Variants in CIPC observed in about 807,000 individuals in gnomAD.
CIPC encodes CLOCK interacting pacemaker, also known as CLOCK-interacting pacemaker.
CIPC carries 12 observed loss-of-function variants against 26.7 expected under a neutral mutation model. That is an observed-to-expected ratio of 0.45 (90% confidence interval 0.29 to 0.73). The LOEUF (loss-of-function observed/expected upper bound fraction) is 0.73. Among genes scored for constraint, CIPC ranks in the 30% least tolerant of loss-of-function variants. The pLI, the probability that CIPC is intolerant of heterozygous loss-of-function variation, is 0.12. For missense variants in CIPC, 417 were observed against 486.5 expected (o/e 0.86, Z 1.34); for synonymous variants, 170 against 189.8 (o/e 0.90, Z 0.86).
In CIPC at chr14:77,113,785, G is replaced by T. The variant is rs769938003; in HGVS notation, c.667G>T (p.Ala223Ser). Residue 223 changes from alanine (A) to serine (S), a missense_variant, in exon 4 of 4, where the codon GCC (alanine) becomes TCC (serine). Ala to Ser is a moderately conservative substitution (Grantham distance 99). Transcript: ENST00000361786. ...STPAPPSAKL[A>S]EDSALQGVPS... is the part of the protein sequence containing the mutation. ...GCCAGCACCACCCAGCGCCAAACTT[G>T]CCGAGGACTCAGCTCTGCAGGGTGT... The T allele has an allele frequency of 1.2e-6, 2 of 1,613,708 alleles. No homozygotes were observed. Among genetic ancestry groups the T allele is most frequent in the South Asian group, 2.2e-5 (2 of 91,068 alleles).
intron 2 of CIPC, 56 bp downstream of exon 2, chr14:77,105,900 T>C: frequency 6.2e-7 from 1 of 1,600,114 alleles, no homozygotes; most frequent in South Asian, 1.1e-5. Flanking sequence ...GCGTGAAAAA[T>C]TTCCTCCCCA....
rs373913272 is a variant in CIPC, at chr14:77,113,862, C to A, written c.744C>A (p.Ser248Arg). Residue 248 changes from serine (S) to arginine (R), a missense_variant, in exon 4 of 4, where the codon AGC (serine) becomes AGA (arginine). Transcript: ENST00000361786. ...CACAGACTCTTCAGCCGGTATCCAG[C>A]AGTCACGTGGCTAAAGCTCCCAGTC... ...GSPQTLQPVS[S>R]SHVAKAPSLT... The A allele has an allele frequency of 1.2e-6, 2 of 1,614,162 alleles. No individual in the cohort carries two copies. Among genetic ancestry groups the A allele is most frequent in the Non-Finnish European group, 8.5e-7 (1 of 1,180,032 alleles).
chr14:77,101,030 G>T (rs1886472789), intron 1 of CIPC, among the ~76,000 whole-genome samples: 1 of 152,212 alleles, frequency 6.6e-6, no homozygotes, highest in East Asian at 1.9e-4. Context: ...ACATGTGTTT[G>T]TAAAGCAGCG....
At chr14:77,108,464 G>C (rs1198166522) in intron 2 of CIPC, among the ~76,000 whole-genome samples, 1 of 152,150 alleles carries the variant, frequency 6.6e-6, no homozygotes, top group Non-Finnish European at 1.5e-5. Flanking sequence ...GGCCGAGGCA[G>C]GTGGATTACC....
chr14:77,103,034 C>T lies in CIPC; in HGVS notation c.-52-2623C>T, dbSNP rs537738737. Among the ~76,000 whole-genome samples the T allele has an allele frequency of 3.3e-5, 5 of 152,324 alleles. No individual in the cohort carries two copies. In the South Asian group the frequency reaches 8.3e-4, roughly 25 times the overall value. ...AGTTCTCTGCAAGTTGTGACAGTGC[C>T]ACTGTTTATCTTTTATGCACATAGG... On this transcript the variant is annotated intron_variant, in intron 1 of 3. Coordinates refer to ENST00000361786, the MANE Select transcript of CIPC (RefSeq NM_033426.3).
chr14:77,107,625 TTTACAC>T (rs1055258908), intron 2 of CIPC, among the ~76,000 whole-genome samples: 1 of 109,262 alleles, frequency 9.2e-6, no homozygotes, highest in Admixed American at 1.2e-4. Flanking sequence ...TCTCGCTCTC[TTTACAC>T]ACACACACAC....
At chr14:77,107,089 A>T (rs1346376289) in intron 2 of CIPC, among the ~76,000 whole-genome samples, 2 of 152,246 alleles carry the variant, frequency 1.3e-5, no homozygotes, top group South Asian at 2.1e-4. Flanking sequence ...TTGTATGATC[A>T]GACAGGTTTG....
intron 3 of CIPC, among the ~76,000 whole-genome samples, 160 bp downstream of exon 3, chr14:77,110,141 T>C (rs918739946): frequency 6.6e-6 from 1 of 152,180 alleles, no homozygotes; most frequent in African/African-American, 2.4e-5. Flanking sequence ...GCGGATGTTA[T>C]CTTTCAAGTG....
chr14:77,105,868 C>T (rs1886582000), intron 2 of CIPC, 24 bp downstream of exon 2: 1 of 1,612,272 alleles, frequency 6.2e-7, no homozygotes, highest in Non-Finnish European at 8.5e-7. Context: ...TATCCTTCCT[C>T]TGTTTTGTGA....
At chr14:77,108,916 T>G (rs1190835240) in intron 2 of CIPC, among the ~76,000 whole-genome samples, 2 of 152,202 alleles carry the variant, frequency 1.3e-5, no homozygotes, top group Non-Finnish European at 2.9e-5. Context: ...ATAGCTCTTG[T>G]GTCTCGTTGA....
At chr14:77,108,413 C>G (rs905518274) in intron 2 of CIPC, among the ~76,000 whole-genome samples, 1 of 152,112 alleles carries the variant, frequency 6.6e-6, no homozygotes, top group African/African-American at 2.4e-5. Flanking sequence ...TGATCTTGGC[C>G]GGGCGCGTTG....
chr14:77,108,414 G>A (rs1351402143), intron 2 of CIPC, among the ~76,000 whole-genome samples: 7 of 152,234 alleles, frequency 4.6e-5, no homozygotes, highest in East Asian at 3.9e-4. Flanking sequence ...GATCTTGGCC[G>A]GGCGCGTTGC....
rs12878372 is a variant in CIPC, at chr14:77,116,032, T to G, written c.*1714T>G. 30,104 of 152,198 alleles carry G rather than the reference T, an allele frequency of 0.2. 3,283 individuals carry two copies. Among genetic ancestry groups the G allele is most frequent in the Non-Finnish European group, 0.26 (17,415 of 67,980 alleles). The allele number at this position is 152,198 out of a possible 1,614,324, so 9.4% of individuals were successfully genotyped here. A position where few individuals can be genotyped will look rare whatever the true frequency, so the allele number is the denominator to read the frequency against. On this transcript the variant is annotated 3_prime_UTR_variant, in exon 4 of 4. Coordinates refer to ENST00000361786, the MANE Select transcript of CIPC (RefSeq NM_033426.3). Reference sequence around the variant, plus strand: ...GAAAAGTTTTACCAAGACCAGAAGTTAAATATGACATTTCCTAGGTAGTTG... The same window carrying G: ...GAAAAGTTTTACCAAGACCAGAAGTGAAATATGACATTTCCTAGGTAGTTG...
Position 77,109,801 on chromosome 14 carries a change from C to T in CIPC, c.137-11C>T, listed in dbSNP as rs1006608237. 1.4e-5 allele frequency: 22 copies of T among 1,607,074 alleles called. No homozygotes were observed. The highest frequency in any genetic ancestry group is 1.9e-5 in the Non-Finnish European group (22 of 1,174,770). ...GAGCCTGAGTGAGTTGACCATTCTTCTGCCCACCAGATGGGAGCTCGGAAT... is the reference window on the plus strand; with the variant it reads ...GAGCCTGAGTGAGTTGACCATTCTTTTGCCCACCAGATGGGAGCTCGGAAT... On this transcript the variant is annotated splice_polypyrimidine_tract_variant and intron_variant, in intron 2 of 3. Coordinates refer to ENST00000361786, the MANE Select transcript of CIPC (RefSeq NM_033426.3).
rs1040652536 is a variant in CIPC at position 77,117,287 on chromosome 14, A to G, written c.*2969A>G. ...AATAAAAGTCACTTACTTGAAACCTATTTGGCCTTTTTGCTTTATAACTGC... is the reference window on the plus strand; with the variant it reads ...AATAAAAGTCACTTACTTGAAACCTGTTTGGCCTTTTTGCTTTATAACTGC... On this transcript the variant is annotated 3_prime_UTR_variant, in exon 4 of 4. Coordinates refer to ENST00000361786, the MANE Select transcript of CIPC (RefSeq NM_033426.3). The G allele has an allele frequency of 2.6e-5, 4 of 152,622 alleles. No homozygotes were observed. The highest frequency in any genetic ancestry group is 9.7e-5 in the African/African-American group (4 of 41,444). 9.5% of individuals were successfully genotyped at this position (152,622 alleles called of 1,614,324 possible). A position where few individuals can be genotyped will look rare whatever the true frequency, so the allele number is the denominator to read the frequency against.
intron 3 of CIPC, among the ~76,000 whole-genome samples, chr14:77,111,426 T>C (rs767477217): frequency 6.6e-6 from 1 of 152,248 alleles, no homozygotes; most frequent in Non-Finnish European, 1.5e-5. Flanking sequence ...CATACTAGAA[T>C]CTAGCGTATT....
In CIPC at chr14:77,114,266, C is replaced by G; in HGVS notation, c.1148C>G (p.Ser383Cys). 6.2e-7 allele frequency: 1 copy of G among 1,613,930 alleles called. No homozygotes were observed. The highest frequency in any genetic ancestry group is 1.1e-5 in the South Asian group (1 of 91,062). The change falls in exon 4 of 4, where the codon TCC becomes TGC. Residue 383 changes from serine (S) to cysteine (C), a missense_variant. Ser to Cys is a moderately radical substitution (Grantham distance 112). Transcript: ENST00000361786. ...AKLQASLTPG[S>C]SNTGSDLEAF... ...CTGCAGGCATCTTTAACACCTGGGT[C>G]CAGTAATACAGGCAGTGACCTAGAA...
chr14:77,111,515 A>G (rs966559306), intron 3 of CIPC, among the ~76,000 whole-genome samples: 2 of 152,132 alleles, frequency 1.3e-5, no homozygotes, highest in African/African-American at 4.8e-5. Context: ...GGTTTTAGAT[A>G]TTTTTCTTTT....
chr14:77,105,111 T>C (rs1330907377), intron 1 of CIPC, among the ~76,000 whole-genome samples: 1 of 152,158 alleles, frequency 6.6e-6, no homozygotes, highest in African/African-American at 2.4e-5. Flanking sequence ...AGGGAGTTGT[T>C]TTTGCTCTCT....
Sources: gnomAD v4.1 joint callset for allele counts (sites outside exome capture counted in the v4.1 genomes callset) on GRCh38, gnomAD v4.1.1 for gene constraint, MANE v1.5 for transcripts, NCBI Gene and HGNC (gene_info 2026-07-23, HGNC 2026-07-21) for gene names.